Variants in C2orf76 observed in about 807,000 individuals in gnomAD.
C2orf76 encodes the protein UPF0538 protein C2orf76.
Under a neutral mutation model 16.9 loss-of-function variants are expected in C2orf76, and 23 were observed. That is an observed-to-expected ratio of 1.36 (90% CI 0.98 to 1.93). The LOEUF is 1.93. Ranked by LOEUF, C2orf76 falls within the 30% of genes most tolerant of loss-of-function variation. C2orf76 has a pLI of 0.00. For synonymous variants in C2orf76, 48 were observed against 52.3 expected (o/e 0.92, Z 0.35); for missense variants, 152 against 152.6 (o/e 1.00, Z 0.02).
intron 5 of C2orf76, among the ~76,000 whole-genome samples, chr2:119,307,344 C>T (rs1025930859): frequency 2.0e-5 from 3 of 151,774 alleles, no homozygotes; most frequent in Non-Finnish European, 4.4e-5. Context: ...GAGGCTGAGG[C>T]AGGAGAATCA....
chr2:119,317,571 G>T, intron 3 of C2orf76, 68 bp from the exon 4 acceptor site: 1 of 1,274,698 alleles, frequency 7.8e-7, no homozygotes. Flanking sequence ...TTATTAAAAT[G>T]GGTGGAGGGT....
chr2:119,341,619 T>C (rs1680032276), intron 1 of C2orf76, among the ~76,000 whole-genome samples: 5 of 152,222 alleles, frequency 3.3e-5, no homozygotes, highest in Admixed American at 3.3e-4. Flanking sequence ...AAAAACGCAT[T>C]TGTTTTAAAG....
downstream of C2orf76, among the ~76,000 whole-genome samples, chr2:119,300,418 A>G (rs1678599287): frequency 6.6e-6 from 1 of 151,994 alleles, no homozygotes; most frequent in Non-Finnish European, 1.5e-5. Flanking sequence ...GGAATCAAAT[A>G]CCTGTTTAAA....
intron 4 of C2orf76, among the ~76,000 whole-genome samples, chr2:119,315,579 T>C (rs372336392): frequency 1.3e-5 from 2 of 152,126 alleles, no homozygotes; most frequent in South Asian, 2.1e-4. Context: ...TTCTCTGAAG[T>C]TTTAAAACCG....
intron 2 of C2orf76, among the ~76,000 whole-genome samples, chr2:119,323,895 CT>C (rs1488509678): frequency 6.6e-6 from 1 of 152,174 alleles, no homozygotes; most frequent in Non-Finnish European, 1.5e-5. Context: ...AATTTCTTGA[CT>C]TTTAAAACAC....
At chr2:119,350,105 T>C (rs2104628649) in intron 1 of C2orf76, among the ~76,000 whole-genome samples, 1 of 135,104 alleles carries the variant, frequency 7.4e-6, no homozygotes, top group East Asian at 2.2e-4. Flanking sequence ...TAAGTGTTTG[T>C]AGAACTAATG....
At chr2:119,317,433 C>G in intron 4 of C2orf76, 33 bp downstream of exon 4, 1 of 1,496,456 alleles carries the variant, frequency 6.7e-7, no homozygotes, top group Non-Finnish European at 9.1e-7. Flanking sequence ...TGATTACTTG[C>G]TATGTGCCAG....
At chr2:119,332,347 A>T (rs1679702461) in intron 2 of C2orf76, among the ~76,000 whole-genome samples, 1 of 152,154 alleles carries the variant, frequency 6.6e-6, no homozygotes, top group African/African-American at 2.4e-5. Flanking sequence ...AACACCTAAT[A>T]ATCAAAACTA....
In C2orf76 at chr2:119,311,622, C is replaced by A. The variant is rs200198648; in HGVS notation, c.304G>T (p.Ala102Ser). 2.1e-5 allele frequency: 34 copies of A among 1,613,018 alleles called. No homozygotes were observed. Among genetic ancestry groups the A allele is most frequent in the Non-Finnish European group, 6.8e-6 (8 of 1,179,798 alleles). The change falls in exon 5 of 6, where the codon GCC becomes TCC. Residue 102 changes from alanine to serine, a missense_variant and splice_region_variant. By Grantham distance (99) the Ala-to-Ser change is moderately conservative (BLOSUM62 1). Transcript: ENST00000334816. ...EDSTLKAAGIASETEIAFFCE... is the reference protein window; with the variant it reads ...EDSTLKAAGISSETEIAFFCE... ...AGCAACACAAGGCCCCCTTCCTCACCGATTCCAGCTGCTTTCAGAGTGCTG... is the reference window on the plus strand; with the variant it reads ...AGCAACACAAGGCCCCCTTCCTCACAGATTCCAGCTGCTTTCAGAGTGCTG...
chr2:119,304,690 T>G (rs1399785712), intron 5 of C2orf76, among the ~76,000 whole-genome samples: 1 of 152,172 alleles, frequency 6.6e-6, no homozygotes, highest in African/African-American at 2.4e-5. Flanking sequence ...AAATTAAAAT[T>G]TACTCCAAAC....
At chr2:119,342,914 T>G (rs13006621) in intron 1 of C2orf76, among the ~76,000 whole-genome samples, 1 of 151,996 alleles carries the variant, frequency 6.6e-6, no homozygotes, top group African/African-American at 2.4e-5. Flanking sequence ...GGACTACAGG[T>G]ACGCGCCACC....
chr2:119,339,897 G>A lies in C2orf76; in HGVS notation c.63C>T (p.Phe21=), dbSNP rs754573792. The A allele has an allele frequency of 9.9e-6, 16 of 1,613,220 alleles. No individual in the cohort carries two copies. The Admixed American group carries it at 2.0e-4, about 20-fold the overall frequency. The change falls in exon 2 of 6, where the codon TTC becomes TTT. Residue 21 remains phenylalanine (F), a synonymous_variant. Transcript: ENST00000334816. ...RLIRSFEHRN[F]KPVVYHGVNL... is the part of the protein sequence containing the mutation. ...TCACTCCGTGATACACTACAGGTTT[G>A]AAATTGCGATGTTCAAAGGAACGGA... is the stretch of plus-strand genomic sequence containing the variant.
chr2:119,366,406 C>T (rs1172711089), intron 1 of C2orf76: 1 of 471,316 alleles, frequency 2.1e-6, no homozygotes, highest in Non-Finnish European at 4.4e-6. Flanking sequence ...AGGCCTGACA[C>T]TACGGCCACA....
the C2orf76 span, among the ~76,000 whole-genome samples, chr2:119,287,711 G>A: frequency 6.6e-6 from 1 of 152,052 alleles, no homozygotes; most frequent in Non-Finnish European, 1.5e-5. Flanking sequence ...TGAAGTTCTG[G>A]TTATGAAGGA....
rs562693650 is a variant in C2orf76, at chr2:119,311,016, G to A, written c.304+606C>T. On this transcript the variant is annotated intron_variant, in intron 5 of 5. Coordinates refer to ENST00000334816, the MANE Select transcript of C2orf76 (RefSeq NM_001322331.2). ...ACAATCTCCACTCCCTCTCCTGCCA[G>A]ATCAGCTTTAGGTGTACATATACGT... The A allele has an allele frequency of 1.4e-4, 53 of 390,036 alleles. No individual in the cohort carries two copies. The South Asian group carries it at 4.9e-3, about 36-fold the overall frequency. The allele number at this position is 390,036 out of a possible 1,614,324, so 24.2% of individuals were successfully genotyped here. A position where few individuals can be genotyped will look rare whatever the true frequency, so the allele number is the denominator to read the frequency against.
intron 1 of C2orf76, among the ~76,000 whole-genome samples, chr2:119,350,476 G>A (rs1203040565): frequency 1.3e-5 from 2 of 152,152 alleles, no homozygotes; most frequent in Non-Finnish European, 2.9e-5. Context: ...ATGCAGAAAA[G>A]CCCATATGCA....
chr2:119,366,318 A>ACTTGGTGCG (rs1680986471), intron 1 of C2orf76: 1 of 416,310 alleles, frequency 2.4e-6, no homozygotes, highest in African/African-American at 2.1e-5. Flanking sequence ...AGTTTGTTAA[A>ACTTGGTGCG]TCAAGACAAA....
At chr2:119,296,544 G>A in the C2orf76 span, among the ~76,000 whole-genome samples, 1 of 152,170 alleles carries the variant, frequency 6.6e-6, no homozygotes, top group African/African-American at 2.4e-5. Flanking sequence ...AGCAGAAATG[G>A]GGAAGCCCCT....
intron 5 of C2orf76, among the ~76,000 whole-genome samples, chr2:119,302,856 T>C (rs1242837069): frequency 1.3e-5 from 2 of 152,278 alleles, no homozygotes; most frequent in South Asian, 4.1e-4. Flanking sequence ...AATTGCTCAT[T>C]TACAGTCTTT....
Sources: gnomAD v4.1 joint callset for allele counts (sites outside exome capture counted in the v4.1 genomes callset) on GRCh38, gnomAD v4.1.1 for gene constraint, MANE v1.5 for transcripts, NCBI Gene and HGNC (gene_info 2026-07-23, HGNC 2026-07-21) for gene names.